Variants in SPAG16 observed in about 807,000 individuals in gnomAD.
SPAG16 encodes sperm-associated antigen 16 protein.
In SPAG16, 86 loss-of-function variants were observed where a neutral mutation model predicts 80.4. The observed-to-expected ratio is 1.07, with a 90% CI of 0.90 to 1.28. The LOEUF is 1.28. Ranked by LOEUF, SPAG16 falls within the 50% of genes most tolerant of loss-of-function variation. The probability of loss-of-function intolerance (pLI) is 0.00; values close to 1 mark genes in which losing one functional copy is unlikely to be tolerated. For synonymous variants in SPAG16, 294 were observed against 265.9 expected (o/e 1.11, Z -1.03); for missense variants, 870 against 765.3 (o/e 1.14, Z -1.61).
chr2:213,532,661 C>T (rs935418497), intron 10 of SPAG16, among the ~76,000 whole-genome samples: 3 of 151,522 alleles, frequency 2.0e-5, no homozygotes, highest in East Asian at 1.9e-4. Context: ...TGTGGTTTCA[C>T]TATGTTGTCC....
chr2:213,718,810 C>T (rs547971954), intron 10 of SPAG16, among the ~76,000 whole-genome samples: 33 of 152,322 alleles, frequency 2.2e-4, no homozygotes, highest in African/African-American at 6.0e-4. Flanking sequence ...CAAGCCTCCC[C>T]GACGAGCACC....
At chr2:213,547,234 T>C (rs745857958) in intron 10 of SPAG16, among the ~76,000 whole-genome samples, 13 of 152,124 alleles carry the variant, frequency 8.5e-5, no homozygotes, top group Non-Finnish European at 1.9e-4. Flanking sequence ...TTTTATAGTC[T>C]TGAAATAATA....
intron 15 of SPAG16, among the ~76,000 whole-genome samples, chr2:214,345,110 T>A (rs1192010255): frequency 6.6e-6 from 1 of 152,164 alleles, no homozygotes; most frequent in Non-Finnish European, 1.5e-5. Flanking sequence ...GTAGTCTTAT[T>A]TGACTACTGA....
At chr2:214,168,517 A>T (rs1049021656) in intron 15 of SPAG16, among the ~76,000 whole-genome samples, 1 of 151,980 alleles carries the variant, frequency 6.6e-6, no homozygotes, top group African/African-American at 2.4e-5. Flanking sequence ...GCACACACAC[A>T]CACATTCATA....
At chr2:213,932,404 C>T (rs992855870) in intron 12 of SPAG16, among the ~76,000 whole-genome samples, 24 of 151,588 alleles carry the variant, frequency 1.6e-4, no homozygotes, top group Admixed American at 1.3e-3. Context: ...TTAGTAGAGA[C>T]GGGGTTTCAC....
At chr2:214,147,189 A>G (rs2055688090) in intron 14 of SPAG16, among the ~76,000 whole-genome samples, 1 of 152,202 alleles carries the variant, frequency 6.6e-6, no homozygotes, top group Non-Finnish European at 1.5e-5. Flanking sequence ...AAAGCATTTC[A>G]TAAATATTGA....
chr2:213,597,773 C>T (rs965901874), intron 10 of SPAG16, among the ~76,000 whole-genome samples: 6 of 152,066 alleles, frequency 3.9e-5, no homozygotes, highest in African/African-American at 1.4e-4. Flanking sequence ...TTTGCCCCCC[C>T]AAAAACTTCT....
intron 14 of SPAG16, among the ~76,000 whole-genome samples, chr2:214,114,942 A>G (rs2053860433): frequency 6.6e-6 from 1 of 152,230 alleles, no homozygotes; most frequent in Non-Finnish European, 1.5e-5. Context: ...ATCTTGGAAC[A>G]GAACTCGCTA....
intron 10 of SPAG16, among the ~76,000 whole-genome samples, chr2:213,773,422 G>A (rs1017621729): frequency 6.6e-6 from 1 of 152,176 alleles, no homozygotes; most frequent in African/African-American, 2.4e-5. Flanking sequence ...TATACAATGT[G>A]TGATTATCAG....
chr2:214,371,144 G>A (rs1036148945), intron 15 of SPAG16, among the ~76,000 whole-genome samples: 3 of 152,134 alleles, frequency 2.0e-5, no homozygotes, highest in Non-Finnish European at 4.4e-5. Flanking sequence ...GTAGACTAAC[G>A]TTGAGGACAT....
At chr2:213,392,574 C>T (rs747082141) in intron 9 of SPAG16, among the ~76,000 whole-genome samples, 3 of 152,120 alleles carry the variant, frequency 2.0e-5, no homozygotes, top group South Asian at 4.1e-4. Flanking sequence ...AGGCTGGGCA[C>T]GGTGGCTCAC....
chr2:213,573,067 G>A (rs1284928869), intron 10 of SPAG16, among the ~76,000 whole-genome samples: 4 of 151,842 alleles, frequency 2.6e-5, no homozygotes, highest in African/African-American at 9.7e-5. Context: ...GCGCTTCCCA[G>A]GTGAGGCAAT....
chr2:213,525,280 TTTTC>T (rs1309339434), intron 10 of SPAG16, among the ~76,000 whole-genome samples: 2 of 136,454 alleles, frequency 1.5e-5, no homozygotes, highest in African/African-American at 5.4e-5. Flanking sequence ...CCTCTTTTCC[TTTTC>T]TTTTTTTTTT....
At chr2:213,317,438 T>C in intron 5 of SPAG16, 82 bp downstream of exon 5, 5 of 1,412,388 alleles carry the variant, frequency 3.5e-6, no homozygotes, top group East Asian at 2.4e-5. Context: ...ATATGTAATA[T>C]ACCAGAGCCT....
intron 15 of SPAG16, among the ~76,000 whole-genome samples, chr2:214,195,012 G>A (rs1239204350): frequency 6.6e-6 from 1 of 152,028 alleles, no homozygotes; most frequent in Non-Finnish European, 1.5e-5. Context: ...GCAGATAACA[G>A]TAGATACAAA....
intron 15 of SPAG16, among the ~76,000 whole-genome samples, chr2:214,374,826 T>C (rs981760940): frequency 2.6e-5 from 4 of 152,200 alleles, no homozygotes; most frequent in African/African-American, 9.6e-5. Context: ...GCTCATTAGA[T>C]GGTTTTTAAT....
In SPAG16 at chr2:213,369,664, C is replaced by T. The variant is rs530880901; in HGVS notation, c.833-5346C>T. ...ATGACTAGATCCAGAAGGATGATGT[C>T]CTTAGGACCTGGTCACTGCCTCTGT... On this transcript the variant is annotated intron_variant, in intron 8 of 15. Coordinates refer to ENST00000331683, the MANE Select transcript of SPAG16 (RefSeq NM_024532.5). Among the ~76,000 whole-genome samples the T allele has an allele frequency of 7.9e-5, 12 of 152,018 alleles. 1 individual carries two copies. In the South Asian group the frequency reaches 1.4e-3, roughly 18 times the overall value.
In SPAG16 at chr2:213,724,788, AAAAAAAAAAAAAAG is replaced by A. The variant is rs1383722246; in HGVS notation, c.1071-137690_1071-137677del. Among the ~76,000 whole-genome samples the A allele has an allele frequency of 1.8e-3, 229 of 129,366 alleles. 3 individuals are homozygous for A. In the South Asian group the frequency reaches 0.02, roughly 11 times the overall value. The allele number at this position is 129,366 out of a possible 152,430, so 84.9% of individuals were successfully genotyped here. ...TGAGACTCTGTCTCAAAAAAAAAAAAAAAAAAAAAAAAAGAAAAAAGGATAAACTAAGTTTAATT... is the reference window on the plus strand; with the variant it reads ...TGAGACTCTGTCTCAAAAAAAAAAAAAAAAAAGGATAAACTAAGTTTAATT... On this transcript the variant is annotated intron_variant, in intron 10 of 15. Coordinates refer to ENST00000331683, the MANE Select transcript of SPAG16 (RefSeq NM_024532.5).
chr2:214,357,293 T>G (rs1486544274), intron 15 of SPAG16, among the ~76,000 whole-genome samples: 1 of 151,912 alleles, frequency 6.6e-6, no homozygotes, highest in Non-Finnish European at 1.5e-5. Context: ...TTTGGAATAA[T>G]TTCTCTCCAT....
Sources: allele counts gnomAD v4.1 joint callset (sites outside exome capture counted in the v4.1 genomes callset), GRCh38; gene constraint gnomAD v4.1.1; transcripts MANE v1.5; gene names NCBI Gene and HGNC (gene_info 2026-07-23, HGNC 2026-07-21).